GALNT13: variants seen among roughly 807,000 people sequenced by gnomAD.
The protein encoded by GALNT13 is UDP-GalNAc:polypeptide N-acetylgalactosaminyltransferase 13.
A neutral mutation model predicts 64.2 loss-of-function variants in GALNT13; 28 were observed. The ratio of observed to expected loss-of-function variants is 0.44; its 90% CI spans 0.32 to 0.60. GALNT13 has a LOEUF of 0.60. Among genes scored for constraint, GALNT13 ranks in the 20% least tolerant of loss-of-function variants. The pLI, the probability that GALNT13 is intolerant of heterozygous loss-of-function variation, is 0.05. For synonymous variants in GALNT13, 214 were observed against 224.6 expected (o/e 0.95, Z 0.42); for missense variants, 577 against 669.8 (o/e 0.86, Z 1.53).
At chr2:154,172,216 A>G (rs1685393530) in intron 4 of GALNT13, among the ~76,000 whole-genome samples, 1 of 151,970 alleles carries the variant, frequency 6.6e-6, no homozygotes, top group Non-Finnish European at 1.5e-5. Flanking sequence ...TTGAGGGTAC[A>G]TGTGATAATT....
In GALNT13 at chr2:154,378,547, G is replaced by C. The variant is rs377311181; in HGVS notation, c.1157-17444G>C. On this transcript the variant is annotated intron_variant, in intron 9 of 12. Transcript: ENST00000392825. Reference sequence around the variant, plus strand: ...TATTCTGCCTATGTTTAACAATGCAGACCGCAGATTGGTTGCAACAATTTG... The same window carrying C: ...TATTCTGCCTATGTTTAACAATGCACACCGCAGATTGGTTGCAACAATTTG... 2.6e-5 allele frequency among the ~76,000 whole-genome samples: 4 copies of C among 152,088 alleles called. No homozygotes were observed. In the East Asian group the frequency reaches 5.8e-4, roughly 22 times the overall value.
the GALNT13 span, among the ~76,000 whole-genome samples, chr2:153,428,331 A>G: frequency 6.6e-6 from 1 of 152,088 alleles, no homozygotes; most frequent in Non-Finnish European, 1.5e-5. Context: ...CAAGTGTGTC[A>G]CATGACAAGA....
chr2:153,730,345 G>A, the GALNT13 span, among the ~76,000 whole-genome samples: 1 of 151,806 alleles, frequency 6.6e-6, no homozygotes, highest in East Asian at 1.9e-4. Flanking sequence ...TATAACTGGA[G>A]AAAGGACACT....
chr2:154,003,709 G>T (rs962889309), intron 3 of GALNT13, among the ~76,000 whole-genome samples: 2 of 152,088 alleles, frequency 1.3e-5, no homozygotes, highest in Non-Finnish European at 2.9e-5. Context: ...TTGGATCATA[G>T]GGGAGGTTTC....
chr2:153,153,021 A>T, the GALNT13 span, among the ~76,000 whole-genome samples: 8 of 152,254 alleles, frequency 5.3e-5, no homozygotes, highest in Admixed American at 3.9e-4. Context: ...TTACACTCCT[A>T]CCAACGGTGT....
the GALNT13 span, among the ~76,000 whole-genome samples, chr2:153,475,656 C>T: frequency 3.9e-5 from 6 of 152,200 alleles, no homozygotes; most frequent in Non-Finnish European, 8.8e-5. Context: ...GTGTCTGAAA[C>T]TCTAAGCATG....
rs1689187114 is a variant in GALNT13 at position 153,914,406 on chromosome 2, G to T, written c.-105+13399G>T. ...AGGCTGAAGCAGGAGAATCATATGA[G>T]CCCAGGAGGCAAAGTTACAGTGAGC... On this transcript the variant is annotated intron_variant, in intron 2 of 12. Coordinates refer to ENST00000392825, the MANE Select transcript of GALNT13 (RefSeq NM_052917.4). Among the ~76,000 whole-genome samples, 6 of 147,142 alleles carry T rather than the reference G, an allele frequency of 4.1e-5. No individual in the cohort carries two copies. The Admixed American group carries it at 4.2e-4, about 10-fold the overall frequency.
At chr2:153,707,481 G>T in the GALNT13 span, among the ~76,000 whole-genome samples, 1 of 152,060 alleles carries the variant, frequency 6.6e-6, no homozygotes, top group African/African-American at 2.4e-5. Flanking sequence ...CCATTTCCTA[G>T]CTTCCTTTAT....
At chr2:154,417,501 A>ATTTATTTATTTC in intron 11 of GALNT13, among the ~76,000 whole-genome samples, 1 of 134,052 alleles carries the variant, frequency 7.5e-6, no homozygotes, top group South Asian at 2.3e-4. Flanking sequence ...TTATTTATTT[A>ATTTATTTATTTC]TTTATTTATT....
the GALNT13 span, among the ~76,000 whole-genome samples, chr2:153,476,675 TG>T: frequency 6.6e-6 from 1 of 152,216 alleles, no homozygotes; most frequent in African/African-American, 2.4e-5. Context: ...ACCCTTTGCC[TG>T]GTCTGGGGCA....
chr2:153,449,834 C>CT, the GALNT13 span: 1 of 152,170 alleles, frequency 6.6e-6, no homozygotes, highest in South Asian at 2.1e-4. Context: ...ATACATGTTA[C>CT]TTGCATCTAC....
At chr2:153,855,759 T>C in the GALNT13 span, among the ~76,000 whole-genome samples, 3 of 152,124 alleles carry the variant, frequency 2.0e-5, no homozygotes, top group Admixed American at 6.5e-5. Context: ...AATGAAGACA[T>C]ACATCCACAC....
At chr2:153,828,500 A>G in the GALNT13 span, among the ~76,000 whole-genome samples, 2 of 152,140 alleles carry the variant, frequency 1.3e-5, no homozygotes, top group Non-Finnish European at 2.9e-5. Flanking sequence ...CCCAAGTTGT[A>G]CCTTGGTCCC....
chr2:153,671,459 T>C, the GALNT13 span, among the ~76,000 whole-genome samples: 23 of 152,258 alleles, frequency 1.5e-4, no homozygotes, highest in African/African-American at 5.5e-4. Flanking sequence ...ATAAGTTTCA[T>C]AAGTGAAGGA....
chr2:153,949,757 A>G (rs1692033767), intron 3 of GALNT13, among the ~76,000 whole-genome samples: 1 of 152,034 alleles, frequency 6.6e-6, no homozygotes, highest in African/African-American at 2.4e-5. Context: ...GGGGGAGACA[A>G]ATTGTCCAAA....
chr2:153,736,126 A>T, the GALNT13 span, among the ~76,000 whole-genome samples: 1 of 152,150 alleles, frequency 6.6e-6, no homozygotes, highest in Non-Finnish European at 1.5e-5. Flanking sequence ...CATTTCCCTC[A>T]TCATTTCTTC....
At chr2:153,388,539 G>C in the GALNT13 span, among the ~76,000 whole-genome samples, 82 of 152,072 alleles carry the variant, frequency 5.4e-4, 1 homozygote, top group African/African-American at 2.0e-3. Flanking sequence ...TCTTATGCCT[G>C]GAAAAGCTTT....
intron 9 of GALNT13, among the ~76,000 whole-genome samples, chr2:154,301,961 T>TA (rs1299893472): frequency 2.0e-5 from 3 of 152,074 alleles, no homozygotes; most frequent in African/African-American, 7.2e-5. Context: ...TGCAGATATT[T>TA]AAATTTATAT....
intron 3 of GALNT13, among the ~76,000 whole-genome samples, chr2:153,958,996 A>G (rs561500715): frequency 4.6e-5 from 7 of 152,360 alleles, no homozygotes; most frequent in Admixed American, 4.6e-4. Context: ...TCCTTTGGCC[A>G]AGAGGGGCTT....
Sources: gnomAD v4.1 joint callset for allele counts (sites outside exome capture counted in the v4.1 genomes callset) on GRCh38, gnomAD v4.1.1 for gene constraint, MANE v1.5 for transcripts, NCBI Gene and HGNC (gene_info 2026-07-23, HGNC 2026-07-21) for gene names.